ADSL: variants seen among roughly 807,000 people sequenced by gnomAD.
The protein encoded by ADSL is adenylosuccinase.
In ADSL, 44 loss-of-function variants were observed where a neutral mutation model predicts 62.1. That is an observed-to-expected ratio of 0.71 (90% confidence interval 0.56 to 0.91). The LOEUF (loss-of-function observed/expected upper bound fraction) is 0.91, where lower values mean the gene tolerates loss of function less well. ADSL is among the 40% of genes least tolerant of loss of function. ADSL has a pLI of 0.00. For missense variants in ADSL, 531 were observed against 627.4 expected (o/e 0.85, Z 1.64); for synonymous variants, 198 against 220.5 (o/e 0.90, Z 0.90).
downstream of ADSL, among the ~76,000 whole-genome samples, chr22:40,374,262 T>G (rs1307872071): frequency 1.3e-5 from 2 of 151,710 alleles, no homozygotes; most frequent in Non-Finnish European, 2.9e-5. Flanking sequence ...AATAGGGCGG[T>G]TTTTATAGTT....
chr22:40,365,656 G>C (rs2044976216), intron 12 of ADSL, among the ~76,000 whole-genome samples: 1 of 152,038 alleles, frequency 6.6e-6, no homozygotes, highest in Admixed American at 6.6e-5. Flanking sequence ...GATTGCTTGA[G>C]CTCAGGAGTT....
chr22:40,361,222 C>T, intron 7 of ADSL, 51 bp from the exon 8 acceptor site: 1 of 1,554,578 alleles, frequency 6.4e-7, no homozygotes, highest in Non-Finnish European at 8.9e-7. Flanking sequence ...CTCCCAGACT[C>T]TACTGCACAC....
intron 4 of ADSL, 37 bp from the exon 5 acceptor site, chr22:40,358,827 G>A (rs753866210): frequency 2.5e-5 from 39 of 1,547,700 alleles, no homozygotes; most frequent in South Asian, 1.1e-4. Flanking sequence ...TTAAGGTCTC[G>A]GTCTGAGACT....
chr22:40,365,139 G>C, intron 12 of ADSL, 83 bp downstream of exon 12: 9 of 1,392,310 alleles, frequency 6.5e-6, no homozygotes, highest in Non-Finnish European at 9.2e-6. Context: ...TAGGAGGTAT[G>C]GTGGGAATGG....
chr22:40,347,603 T>G (rs1027927257), intron 1 of ADSL, among the ~76,000 whole-genome samples: 5 of 152,194 alleles, frequency 3.3e-5, no homozygotes, highest in African/African-American at 1.2e-4. Flanking sequence ...CATGGAACTC[T>G]CCAAACAGGA....
intron 2 of ADSL, 26 bp downstream of exon 2, chr22:40,350,061 A>C: frequency 6.3e-7 from 1 of 1,593,908 alleles, no homozygotes; most frequent in Non-Finnish European, 8.6e-7. Context: ...GTTTATACTT[A>C]AAACTCAGTC....
intron 7 of ADSL, among the ~76,000 whole-genome samples, chr22:40,360,772 G>C (rs1049669139): frequency 2.6e-5 from 4 of 151,478 alleles, no homozygotes; most frequent in Admixed American, 1.3e-4. Context: ...GCCCAGGCTG[G>C]AGTGCAATGG....
chr22:40,385,871 G>T, intron 2 of ADSL, among the ~76,000 whole-genome samples: 1 of 151,866 alleles, frequency 6.6e-6, no homozygotes, highest in East Asian at 1.9e-4. Context: ...TTTTCTTGAA[G>T]ACCGGGTCTC....
At chr22:40,370,740 C>T (rs950471926), downstream of ADSL, 1 of 152,618 alleles carries the variant, frequency 6.6e-6, no homozygotes, top group African/African-American at 2.4e-5. Context: ...ACAAGTTCCC[C>T]TCAGGCGGGG....
intron 9 of ADSL, among the ~76,000 whole-genome samples, chr22:40,362,694 A>G (rs2044839558): frequency 6.6e-6 from 1 of 152,178 alleles, no homozygotes; most frequent in Admixed American, 6.6e-5. Flanking sequence ...CAGGTATGTA[A>G]TGGTGAGTAG....
At chr22:40,364,235 G>T in intron 10 of ADSL, 41 bp from the exon 11 acceptor site, 1 of 1,570,880 alleles carries the variant, frequency 6.4e-7, no homozygotes. Context: ...CTTTAACCTT[G>T]AGGCACCTTT....
At chr22:40,350,581 G>A (rs2044308226) in intron 2 of ADSL, among the ~76,000 whole-genome samples, 1 of 152,122 alleles carries the variant, frequency 6.6e-6, no homozygotes, top group Non-Finnish European at 1.5e-5. Flanking sequence ...GTAAGCCAAG[G>A]CCTTAGCATT....
chr22:40,381,037 G>A (rs1197478119), intron 2 of ADSL, among the ~76,000 whole-genome samples: 1 of 152,194 alleles, frequency 6.6e-6, no homozygotes, highest in Non-Finnish European at 1.5e-5. Context: ...GTTTTAGCAT[G>A]ATAATGGTTT....
chr22:40,381,420 A>G (rs2047564960), intron 2 of ADSL, among the ~76,000 whole-genome samples: 1 of 152,198 alleles, frequency 6.6e-6, no homozygotes, highest in Non-Finnish European at 1.5e-5. Flanking sequence ...AAGTGCTGGG[A>G]TAAGAGGAAT....
chr22:40,353,237 A>G, intron 3 of ADSL, 120 bp downstream of exon 3: 1 of 784,918 alleles, frequency 1.3e-6, no homozygotes, highest in South Asian at 1.4e-5. Flanking sequence ...TTTTCAGGTG[A>G]ATGACAACCC....
chr22:40,352,427 C>T (rs951398228), intron 2 of ADSL, among the ~76,000 whole-genome samples: 6 of 152,122 alleles, frequency 3.9e-5, no homozygotes, highest in African/African-American at 1.4e-4. Context: ...ACTCAGGAGG[C>T]TGAGGCAGGA....
intron 4 of ADSL, among the ~76,000 whole-genome samples, chr22:40,356,535 C>CA (rs113457420): frequency 0.011 from 859 of 79,578 alleles, 8 homozygotes; most frequent in African/African-American, 0.022. Context: ...ATTCCGTCTC[C>CA]AAAAAAAAAA....
intron 2 of ADSL, among the ~76,000 whole-genome samples, chr22:40,352,484 C>T (rs768341305): frequency 2.0e-5 from 3 of 151,946 alleles, no homozygotes; most frequent in African/African-American, 2.4e-5. Flanking sequence ...GCTGAGATCG[C>T]GCCACTGCAC....
At chr22:40,364,791 C>A in intron 11 of ADSL, 89 bp from the exon 12 acceptor site, 1 of 1,380,714 alleles carries the variant, frequency 7.2e-7, no homozygotes, top group Non-Finnish European at 1.0e-6. Flanking sequence ...GCTGTGTAGA[C>A]TGCATGGATG....
Sources: gnomAD v4.1 joint callset for allele counts (sites outside exome capture counted in the v4.1 genomes callset) on GRCh38, gnomAD v4.1.1 for gene constraint, MANE v1.5 for transcripts, NCBI Gene and HGNC (gene_info 2026-07-23, HGNC 2026-07-21) for gene names.